Variants in KCNC4 observed in about 807,000 individuals in gnomAD.
KCNC4 encodes the protein potassium voltage-gated channel subfamily C member 4.
Under a neutral mutation model 42.8 loss-of-function variants are expected in KCNC4, and 23 were observed. The observed-to-expected ratio is 0.54, with a 90% confidence interval of 0.39 to 0.76. The LOEUF is 0.76. Among genes scored for constraint, KCNC4 ranks in the 30% least tolerant of loss-of-function variants. The pLI, the probability that KCNC4 is intolerant of heterozygous loss-of-function variation, is 0.00. For missense variants in KCNC4, 751 were observed against 898.2 expected (o/e 0.84, Z 2.10); for synonymous variants, 422 against 393.5 (o/e 1.07, Z -0.86).
chr1:110,223,422 T>C lies in KCNC4; in HGVS notation c.1137T>C (p.Asn379=). 6.2e-7 allele frequency: 1 copy of C among 1,613,976 alleles called. No homozygotes were observed. Among genetic ancestry groups the C allele is most frequent in the African/African-American group, 1.3e-5 (1 of 75,052 alleles). ...GCCACACCCTGAGGGCCAGCACCAA[T>C]GAGTTCCTGCTGCTTATCATCTTCC... ...VLGHTLRAST[N]EFLLLIIFLA... Residue 379 remains asparagine (N), a synonymous_variant, in exon 2 of 4, where the codon AAT becomes AAC. Transcript: ENST00000438661. The surrounding 1 kb of genome is among the most constrained non-coding windows in gnomAD (Gnocchi z 7.5).
At chr1:110,215,573 G>A (rs768945474) in intron 1 of KCNC4, among the ~76,000 whole-genome samples, 1 of 152,160 alleles carries the variant, frequency 6.6e-6, no homozygotes, top group Non-Finnish European at 1.5e-5. Context: ...CTCTCCTTTG[G>A]CTAAATCAGC....
At chr1:110,241,051 G>A (rs1030355007) in exon 4 of KCNC4, 2 of 152,360 alleles carry the variant, frequency 1.3e-5, no homozygotes, top group Non-Finnish European at 2.9e-5. Flanking sequence ...GCCTGGGGGC[G>A]GGATGTTGAG....
chr1:110,210,874 G>A lies in KCNC4; in HGVS notation c.-626G>A, dbSNP rs1032777145. Among the ~76,000 whole-genome samples the A allele has an allele frequency of 6.6e-4, 101 of 152,160 alleles. No homozygotes were observed. The highest frequency in any genetic ancestry group is 1.3e-3 in the Non-Finnish European group (89 of 68,026). ...GCCCCGCCTGCCTTCCTCGCCCGGCGCTGGATTTATGAATGGGGGGAAGAG... is the reference window on the plus strand; with the variant it reads ...GCCCCGCCTGCCTTCCTCGCCCGGCACTGGATTTATGAATGGGGGGAAGAG... On this transcript the variant is annotated 5_prime_UTR_variant, in exon 1 of 4. Coordinates refer to ENST00000438661, the MANE Select transcript of KCNC4 (RefSeq NM_001039574.3).
exon 4 of KCNC4, chr1:110,246,127 C>T (rs1659140432): frequency 6.6e-6 from 1 of 152,234 alleles, no homozygotes; most frequent in Non-Finnish European, 1.5e-5. Context: ...ACTGGGATTT[C>T]TCTGACCTCA....
In KCNC4 at chr1:110,233,700, G is replaced by A. The variant is rs1328833906; in HGVS notation, c.*728G>A. ...GTCAAAGATGCTGCTGGGCAGACAG[G>A]CAGGGAAAGGATCTGTCTGCCCATC... is the stretch of plus-strand genomic sequence containing the variant. On this transcript the variant is annotated 3_prime_UTR_variant, in exon 4 of 4. Transcript: ENST00000438661. 1 of 152,510 alleles carries A rather than the reference G, an allele frequency of 6.6e-6. No individual in the cohort carries two copies. The highest frequency in any genetic ancestry group is 1.5e-5 in the Non-Finnish European group (1 of 68,296). The allele number at this position is 152,510 out of a possible 1,614,324, so 9.4% of individuals were successfully genotyped here.
intron 1 of KCNC4, among the ~76,000 whole-genome samples, chr1:110,216,616 A>AGCAG (rs1157842863): frequency 6.6e-6 from 1 of 152,138 alleles, no homozygotes; most frequent in East Asian, 1.9e-4. Flanking sequence ...TCGGGGGAAG[A>AGCAG]GCAGGCAGGC....
chr1:110,259,573 A>G (rs2101074680), intron 1 of KCNC4, among the ~76,000 whole-genome samples: 2 of 152,242 alleles, frequency 1.3e-5, no homozygotes, highest in East Asian at 1.9e-4. Context: ...TGTGCCTGCA[A>G]AGAAAGGCCC....
At chr1:110,217,214 A>G (rs1024212020) in intron 1 of KCNC4, among the ~76,000 whole-genome samples, 4 of 152,176 alleles carry the variant, frequency 2.6e-5, no homozygotes, top group African/African-American at 9.7e-5. Flanking sequence ...AGGAGTCGTA[A>G]GAAAATAAAG....
At position 110,233,232 on chromosome 1, in the gene KCNC4, C is replaced by T. The variant is rs888714412; in HGVS notation, c.*260C>T. The T allele has an allele frequency of 1.7e-5, 10 of 574,730 alleles. No homozygotes were observed. Among genetic ancestry groups the T allele is most frequent in the East Asian group, 8.7e-5 (3 of 34,640 alleles). 35.6% of individuals were successfully genotyped at this position (574,730 alleles called of 1,614,324 possible). On this transcript the variant is annotated 3_prime_UTR_variant, in exon 4 of 4. Coordinates refer to ENST00000438661, the MANE Select transcript of KCNC4 (RefSeq NM_001039574.3). ...ATATTATACTCTTGTGTGTAGTGCA[C>T]GTGCTATTGGTGGTTTGTCTTCTTT...
Position 110,223,183 on chromosome 1 carries a change from A to G in KCNC4, c.898A>G (p.Ile300Val), listed in dbSNP as rs759013250. The change falls in exon 2 of 4, where the codon ATC (isoleucine) becomes GTC (valine). Residue 300 changes from isoleucine to valine, a missense_variant. Ile to Val is a conservative substitution (Grantham distance 29). This residue lies in a region of KCNC4 where 185 missense variants were observed against 293.7 expected (regional missense o/e 0.63). Transcript: ENST00000438661. This position sits in a 1 kb window ranked among gnomAD's most constrained non-coding sequence, Gnocchi z 7.5. Reference sequence around the variant, plus strand: ...GTTCACACTGGAGTTCCTGGTGCGCATCGTGTGCTGCCCCGACACGCTGGA... The same window carrying G: ...GTTCACACTGGAGTTCCTGGTGCGCGTCGTGTGCTGCCCCGACACGCTGGA... ...LWFTLEFLVR[I>V]VCCPDTLDFV... is the part of the protein sequence containing the mutation. 1.9e-6 allele frequency: 3 copies of G among 1,614,068 alleles called. No homozygotes were observed. Among genetic ancestry groups the G allele is most frequent in the Non-Finnish European group, 2.5e-6 (3 of 1,180,034 alleles).
intron 1 of KCNC4, among the ~76,000 whole-genome samples, chr1:110,258,262 G>A (rs977726029): frequency 1.3e-5 from 2 of 151,836 alleles, no homozygotes; most frequent in African/African-American, 2.4e-5. Flanking sequence ...TTTTTGAGAC[G>A]GAGTCTTGCT....
At chr1:110,252,886 T>G (rs909795136), downstream of KCNC4, among the ~76,000 whole-genome samples, 8 of 152,128 alleles carry the variant, frequency 5.3e-5, no homozygotes, top group African/African-American at 1.4e-4. Context: ...TTTCATAGGA[T>G]AGGAGAAGAA....
At chr1:110,240,642 C>A (rs4838965) in exon 4 of KCNC4, 4,246 of 152,428 alleles carry the variant, frequency 0.028, 136 homozygotes, top group East Asian at 0.11. Context: ...AGGGGCCAGC[C>A]TCAGAGGCCC....
chr1:110,273,288 G>A (rs749161971), intron 1 of KCNC4, among the ~76,000 whole-genome samples: 10 of 152,290 alleles, frequency 6.6e-5, no homozygotes, highest in Non-Finnish European at 1.3e-4. Flanking sequence ...TGGTGCTAAG[G>A]AAGCAGATAA....
downstream of KCNC4, among the ~76,000 whole-genome samples, chr1:110,253,352 G>A (rs901466428): frequency 1.3e-5 from 2 of 152,222 alleles, no homozygotes; most frequent in Non-Finnish European, 2.9e-5. Flanking sequence ...ATGTCTCATT[G>A]CTTACAGCCC....
rs980830144 is a variant in KCNC4, at chr1:110,211,242, C to G, written c.-258C>G. On this transcript the variant is annotated 5_prime_UTR_variant, in exon 1 of 4. Coordinates refer to ENST00000438661, the MANE Select transcript of KCNC4 (RefSeq NM_001039574.3). The surrounding 1 kb of genome is among the most constrained non-coding windows in gnomAD (Gnocchi z 6.5). ...GCGTGTGTGCTTGCTTCTACTTCCC[C>G]GGGTCCTCCCTCTCTGCGCCTCCCT... The G allele has an allele frequency of 1.5e-5, 8 of 527,326 alleles. No individual in the cohort carries two copies. In the Middle Eastern group the frequency reaches 2.0e-3, roughly 131 times the overall value. The allele number at this position is 527,326 out of a possible 1,614,324, so 32.7% of individuals were successfully genotyped here.
At chr1:110,226,452 G>A (rs1341314544) in intron 3 of KCNC4, 2 of 495,570 alleles carry the variant, frequency 4.0e-6, no homozygotes, top group Non-Finnish European at 7.4e-6. Context: ...CAGGGTCCCT[G>A]CCCCGTGCTT....
intron 1 of KCNC4, among the ~76,000 whole-genome samples, chr1:110,213,288 A>AGT (rs145443762): frequency 0.065 from 9,805 of 150,588 alleles, 791 homozygotes; most frequent in African/African-American, 0.2. Flanking sequence ...GCCTGGCTGG[A>AGT]GTCTGTCTGG....
chr1:110,276,487 G>T (rs114246310), intron 1 of KCNC4, among the ~76,000 whole-genome samples: 1,694 of 152,054 alleles, frequency 0.011, 38 homozygotes, highest in African/African-American at 0.039. Context: ...AGTCCTCATG[G>T]GTACCTGGAC....
Sources: allele counts gnomAD v4.1 joint callset (sites outside exome capture counted in the v4.1 genomes callset), GRCh38; gene constraint gnomAD v4.1.1; regional missense constraint gnomAD v4.1.1; non-coding constraint Gnocchi (gnomAD v3.1); transcripts MANE v1.5; gene names NCBI Gene and HGNC (gene_info 2026-07-23, HGNC 2026-07-21).